Variants in RYR3 observed in about 807,000 individuals in gnomAD.
RYR3 encodes the protein ryanodine receptor 3.
RYR3 carries 207 observed loss-of-function variants against 584.3 expected under a neutral mutation model. That is an observed-to-expected ratio of 0.35 (90% CI 0.32 to 0.40). The LOEUF is 0.40. Ranked by LOEUF, RYR3 falls within the 10% of genes least tolerant of loss-of-function variation. The probability of loss-of-function intolerance (pLI) is 1.00; values close to 1 mark genes in which losing one functional copy is unlikely to be tolerated. For missense variants in RYR3, 5,616 were observed against 6,089.2 expected (o/e 0.92, Z 2.59); for synonymous variants, 2,416 against 2,248.5 (o/e 1.07, Z -2.11).
intron 38 of RYR3, among the ~76,000 whole-genome samples, chr15:33,693,928 C>T (rs917126589): frequency 2.6e-5 from 4 of 152,128 alleles, no homozygotes; most frequent in African/African-American, 9.7e-5. Context: ...CCGGACTAGG[C>T]CCTGTATTAT....
chr15:33,363,551 C>A (rs1455120636), intron 1 of RYR3, among the ~76,000 whole-genome samples: 4 of 152,100 alleles, frequency 2.6e-5, no homozygotes, highest in African/African-American at 4.8e-5. Context: ...TTAAAAAACC[C>A]TATTTTTAGA....
chr15:33,339,400 A>T (rs1040725500), intron 1 of RYR3, among the ~76,000 whole-genome samples: 2 of 152,244 alleles, frequency 1.3e-5, no homozygotes, highest in Admixed American at 6.5e-5. Context: ...CTTTAAGTTT[A>T]GTCCAGGCAA....
intron 1 of RYR3, among the ~76,000 whole-genome samples, chr15:33,388,252 C>G (rs1440339246): frequency 6.6e-6 from 1 of 152,152 alleles, no homozygotes; most frequent in Non-Finnish European, 1.5e-5. Flanking sequence ...ATTTAGATTT[C>G]TCTTCCCAGC....
intron 38 of RYR3, among the ~76,000 whole-genome samples, chr15:33,683,284 G>A (rs536247844): frequency 1.1e-4 from 16 of 151,990 alleles, no homozygotes; most frequent in African/African-American, 3.1e-4. Flanking sequence ...GTGAGCCACC[G>A]CGCCCAGCCG....
chr15:33,435,261 A>G (rs193130737), intron 1 of RYR3, among the ~76,000 whole-genome samples: 55 of 152,274 alleles, frequency 3.6e-4, no homozygotes, highest in African/African-American at 1.3e-3. Context: ...CTGATTCTCC[A>G]ACCTCTGATA....
At chr15:33,338,037 T>C (rs1042438324) in intron 1 of RYR3, among the ~76,000 whole-genome samples, 2 of 147,242 alleles carry the variant, frequency 1.4e-5, no homozygotes, top group Non-Finnish European at 3.0e-5. Flanking sequence ...CTCCGCCTCT[T>C]GGGTTCACGC....
chr15:33,416,943 G>A (rs1228186726), intron 1 of RYR3, among the ~76,000 whole-genome samples: 1 of 152,142 alleles, frequency 6.6e-6, no homozygotes, highest in Admixed American at 6.5e-5. Context: ...TTATTAAATA[G>A]GGTGTCCTTT....
chr15:33,321,600 T>C (rs1968972779), intron 1 of RYR3, among the ~76,000 whole-genome samples: 1 of 152,224 alleles, frequency 6.6e-6, no homozygotes, highest in Admixed American at 6.5e-5. Flanking sequence ...CACCTTGTTT[T>C]TGATTAGTTT....
In RYR3 at chr15:33,371,339, G is replaced by T. The variant is rs540991320; in HGVS notation, c.51+60243G>T. ...CATACTTCCAAGTCAAACCAATGCG[G>T]TTGCCATGGTATCAAGGCTCCTGCA... On this transcript the variant is annotated intron_variant, in intron 1 of 103. Coordinates refer to ENST00000634891, the MANE Select transcript of RYR3 (RefSeq NM_001036.6). Among the ~76,000 whole-genome samples, 3 of 152,300 alleles carry T rather than the reference G, an allele frequency of 2.0e-5. No individual in the cohort carries two copies. In the East Asian group the frequency reaches 5.8e-4, roughly 29 times the overall value.
intron 1 of RYR3, among the ~76,000 whole-genome samples, chr15:33,324,405 A>C (rs1041963316): frequency 3.3e-5 from 5 of 152,178 alleles, no homozygotes; most frequent in Non-Finnish European, 7.4e-5. Context: ...AAACATCACT[A>C]ATGTCGCCAT....
Position 33,838,448 on chromosome 15 carries a change from C to G in RYR3, c.12468C>G (p.Phe4156Leu), listed in dbSNP as rs779093610. ...CASVKRNVTD[F>L]LKRATLKNLR... ...CTGTGAAGAGGAATGTCACCGACTT[C>G]CTGAAGAGAGCAACCCTGAAGAACC... The change falls in exon 89 of 104, where the codon TTC becomes TTG. Residue 4156 changes from phenylalanine (F) to leucine (L), a missense_variant. This residue lies in a region of RYR3 where 918 missense variants were observed against 887.4 expected (regional missense o/e 1.03). Coordinates refer to ENST00000634891, the MANE Select transcript of RYR3 (RefSeq NM_001036.6). The G allele has an allele frequency of 2.5e-6, 4 of 1,613,992 alleles. No homozygotes were observed. Among genetic ancestry groups the G allele is most frequent in the Non-Finnish European group, 1.7e-6 (2 of 1,179,894 alleles).
chr15:33,460,030 G>C (rs1046371679), intron 1 of RYR3, among the ~76,000 whole-genome samples: 7 of 152,118 alleles, frequency 4.6e-5, no homozygotes, highest in Non-Finnish European at 8.8e-5. Context: ...ACTAGATTTT[G>C]GTTTGGCTAA....
chr15:33,857,334 C>A (rs1284352115), intron 98 of RYR3, among the ~76,000 whole-genome samples: 3 of 152,114 alleles, frequency 2.0e-5, no homozygotes, highest in Non-Finnish European at 2.9e-5. Context: ...CGTCCCTTCA[C>A]GTGTGCCTGT....
At chr15:33,332,315 C>T (rs1405800227) in intron 1 of RYR3, among the ~76,000 whole-genome samples, 1 of 151,946 alleles carries the variant, frequency 6.6e-6, no homozygotes. Context: ...AATTGGCATG[C>T]GTCTGAAAAT....
At chr15:33,807,941 T>C (rs2076291048) in intron 70 of RYR3, 1 of 259,774 alleles carries the variant, frequency 3.8e-6, no homozygotes, top group Non-Finnish European at 7.3e-6. Flanking sequence ...TCCTATTTTT[T>C]ATTAGTGGTC....
At chr15:33,463,660 G>A (rs748697274) in intron 1 of RYR3, among the ~76,000 whole-genome samples, 2 of 152,114 alleles carry the variant, frequency 1.3e-5, no homozygotes, top group Non-Finnish European at 1.5e-5. Flanking sequence ...CCTGCATGCC[G>A]CTACATCTCC....
chr15:33,612,169 T>A (rs969069124), intron 18 of RYR3, among the ~76,000 whole-genome samples: 1 of 152,204 alleles, frequency 6.6e-6, no homozygotes, highest in African/African-American at 2.4e-5. Context: ...ATTTCCAGAA[T>A]AAGATGATAT....
chr15:33,565,267 A>G (rs769535775), intron 11 of RYR3, among the ~76,000 whole-genome samples: 2 of 152,242 alleles, frequency 1.3e-5, no homozygotes, highest in African/African-American at 2.4e-5. Context: ...CAAAGTAAAC[A>G]TAGTGGCAAT....
chr15:33,683,264 G>A (rs1054960582), intron 38 of RYR3, among the ~76,000 whole-genome samples: 4 of 151,838 alleles, frequency 2.6e-5, no homozygotes, highest in South Asian at 4.2e-4. Flanking sequence ...AAAGTGCTGG[G>A]ATTACAGGTG....
Sources: gnomAD v4.1 joint callset for allele counts (sites outside exome capture counted in the v4.1 genomes callset) on GRCh38, gnomAD v4.1.1 for gene constraint, gnomAD v4.1.1 regional missense constraint, MANE v1.5 for transcripts, NCBI Gene and HGNC (gene_info 2026-07-23, HGNC 2026-07-21) for gene names.